MSH4: variants seen among roughly 807,000 people sequenced by gnomAD.
MSH4 encodes mutS protein homolog 4.
In MSH4, 106 loss-of-function variants were observed where a neutral mutation model predicts 113.7. That is an observed-to-expected ratio of 0.93 (90% CI 0.80 to 1.10). The LOEUF (loss-of-function observed/expected upper bound fraction) is 1.10, where lower values mean the gene tolerates loss of function less well. MSH4 is among the 50% of genes least tolerant of loss of function. The pLI, the probability that MSH4 is intolerant of heterozygous loss-of-function variation, is 0.00. For synonymous variants in MSH4, 368 were observed against 380.2 expected (o/e 0.97, Z 0.37); for missense variants, 1,061 against 1,093.7 (o/e 0.97, Z 0.42).
At position 75,804,734 on chromosome 1, in the gene MSH4, C is replaced by A. The variant is rs1008086666; in HGVS notation, c.427+821C>A. On this transcript the variant is annotated intron_variant, in intron 2 of 19. Coordinates refer to ENST00000263187, the MANE Select transcript of MSH4 (RefSeq NM_002440.4). ...CCATACTGGCCAGGCTGGTCTCGAA[C>A]TCCTGACCTCATGATCCACCCACCT... 2.4e-4 allele frequency among the ~76,000 whole-genome samples: 36 copies of A among 152,078 alleles called. 1 individual carries two copies. Among genetic ancestry groups the A allele is most frequent in the Admixed American group, 2.2e-3 (34 of 15,274 alleles).
At position 75,883,683 on chromosome 1, in the gene MSH4, A is replaced by C; in HGVS notation, c.1969A>C (p.Ile657Leu). 6.2e-7 allele frequency: 1 copy of C among 1,613,482 alleles called. No individual in the cohort carries two copies. Among genetic ancestry groups the C allele is most frequent in the Non-Finnish European group, 8.5e-7 (1 of 1,179,724 alleles). ...KQGWHPILEK[I>L]SAEKPIANNT... is the part of the protein sequence containing the mutation. ...GGGATGGCATCCTATTCTTGAAAAAATATCTGCGGAAAAACCTATTGCCAA... is the reference window on the plus strand; with the variant it reads ...GGGATGGCATCCTATTCTTGAAAAACTATCTGCGGAAAAACCTATTGCCAA... The change falls in exon 15 of 20, where the codon ATA becomes CTA. Residue 657 changes from isoleucine to leucine, a missense_variant. By Grantham distance (5) the Ile-to-Leu change is conservative (BLOSUM62 2). Coordinates refer to ENST00000263187, the MANE Select transcript of MSH4 (RefSeq NM_002440.4).
intron 15 of MSH4, among the ~76,000 whole-genome samples, chr1:75,888,271 A>G (rs1652169964): frequency 6.6e-6 from 1 of 151,388 alleles, no homozygotes; most frequent in Admixed American, 6.6e-5. Context: ...AGAATTCTGT[A>G]TATGTGGTAC....
intron 17 of MSH4, among the ~76,000 whole-genome samples, chr1:75,892,325 T>C (rs2100584075): frequency 6.6e-6 from 1 of 152,136 alleles, no homozygotes; most frequent in African/African-American, 2.4e-5. Flanking sequence ...CCTTCATAAA[T>C]CACATGAGCC....
chr1:75,814,586 C>T (rs1198459072), intron 4 of MSH4, among the ~76,000 whole-genome samples: 1 of 151,832 alleles, frequency 6.6e-6, no homozygotes, highest in Non-Finnish European at 1.5e-5. Flanking sequence ...AAGAATCTAC[C>T]CTTTCTCAAT....
At chr1:75,851,261 C>CT (rs1651181133) in intron 8 of MSH4, among the ~76,000 whole-genome samples, 1 of 148,684 alleles carries the variant, frequency 6.7e-6, no homozygotes, top group East Asian at 2.0e-4. Flanking sequence ...TCCCTTGTTT[C>CT]TTTTTTTCTG....
rs187650348 is a variant in MSH4 at position 75,910,014 on chromosome 1, G to C, written c.2620-2682G>C. Among the ~76,000 whole-genome samples, 281 of 152,018 alleles carry C rather than the reference G, an allele frequency of 1.8e-3. 1 individual carries two copies. Among genetic ancestry groups the C allele is most frequent in the African/African-American group, 6.5e-3 (271 of 41,506 alleles). On this transcript the variant is annotated intron_variant, in intron 19 of 19. Coordinates refer to ENST00000263187, the MANE Select transcript of MSH4 (RefSeq NM_002440.4). ...TTCTCAGTTCCCTTTATTCTCTTTT[G>C]CATCTTTAATATTTTCGTCACAGGC...
Position 75,839,681 on chromosome 1 carries a change from A to G in MSH4, c.1163-8528A>G, listed in dbSNP as rs1031328828. ...AAATTGACAAATGGGATCTAATTAA[A>G]CTAAAGAGCTTCTGCACAGCAAAAG... On this transcript the variant is annotated intron_variant, in intron 7 of 19. Coordinates refer to ENST00000263187, the MANE Select transcript of MSH4 (RefSeq NM_002440.4). Among the ~76,000 whole-genome samples the G allele has an allele frequency of 4.0e-4, 60 of 151,700 alleles. 1 individual carries two copies. The highest frequency in any genetic ancestry group is 1.4e-3 in the African/African-American group (58 of 41,386).
chr1:75,889,121 G>A (rs1406568624), intron 15 of MSH4, 130 bp from the exon 16 acceptor site: 1 of 508,206 alleles, frequency 2.0e-6, no homozygotes, highest in Non-Finnish European at 3.5e-6. Flanking sequence ...CTGGGGTCAT[G>A]TCTTCTAATG....
rs143338923 is a variant in MSH4 at position 75,848,412 on chromosome 1, G to C, written c.1230+136G>C. ...ATTATTGATATCTGGAGTATTTTAT[G>C]CCACTGTAGAGGAAACTTTTTTCCT... On this transcript the variant is annotated intron_variant, in intron 8 of 19. Transcript: ENST00000263187. The C allele has an allele frequency of 1.5e-5, 10 of 685,502 alleles. No homozygotes were observed. The African/African-American group carries it at 1.8e-4, about 12-fold the overall frequency. The allele number at this position is 685,502 out of a possible 1,614,324, so 42.5% of individuals were successfully genotyped here.
intron 15 of MSH4, among the ~76,000 whole-genome samples, chr1:75,887,464 G>A (rs554153941): frequency 2.1e-4 from 32 of 152,158 alleles, no homozygotes; most frequent in African/African-American, 7.5e-4. Context: ...CACCCCAGTA[G>A]CTAATATTGA....
intron 4 of MSH4, among the ~76,000 whole-genome samples, chr1:75,813,485 G>A (rs2100512411): frequency 6.6e-6 from 1 of 152,158 alleles, no homozygotes; most frequent in Non-Finnish European, 1.5e-5. Flanking sequence ...TGGAGCTTCA[G>A]TTTTTTTCAT....
Position 75,897,962 on chromosome 1 carries a change from A to C in MSH4, c.2411A>C (p.Tyr804Ser). Residue 804 changes from tyrosine (Y) to serine (S), a missense_variant, in exon 18 of 20, where the codon TAT (tyrosine) becomes TCT (serine). Physicochemically the swap from Tyr to Ser is moderately radical, Grantham distance 144 (BLOSUM62 -2). Coordinates refer to ENST00000263187, the MANE Select transcript of MSH4 (RefSeq NM_002440.4). The part of the protein sequence containing the change: ...FLELCHIDAL[Y>S]PNVENMHFEV... ...GAACTATGCCATATTGATGCCCTGT[A>C]TCCTAATGTAGAAAACATGCATTTT... is the stretch of plus-strand genomic sequence containing the variant. 1 of 1,604,604 alleles carries C rather than the reference A, an allele frequency of 6.2e-7. No individual in the cohort carries two copies. Among genetic ancestry groups the C allele is most frequent in the Non-Finnish European group, 8.5e-7 (1 of 1,175,232 alleles).
intron 6 of MSH4, among the ~76,000 whole-genome samples, chr1:75,819,729 T>C (rs1650366963): frequency 6.6e-6 from 1 of 152,206 alleles, no homozygotes; most frequent in South Asian, 2.1e-4. Flanking sequence ...TTGTTTGTTT[T>C]AGACAGAGTC....
At chr1:75,883,494 C>A in intron 14 of MSH4, 127 bp from the exon 15 acceptor site, 2 of 719,776 alleles carry the variant, frequency 2.8e-6, no homozygotes, top group South Asian at 2.0e-5. Flanking sequence ...TAATATAGTA[C>A]CTTAATGTTA....
intron 7 of MSH4, among the ~76,000 whole-genome samples, chr1:75,836,311 T>TTC (rs1650827809): frequency 2.0e-5 from 3 of 150,152 alleles, no homozygotes; most frequent in Non-Finnish European, 4.4e-5. Context: ...TCTTTTTTTT[T>TTC]TTTTTGAGAC....
At position 75,797,144 on chromosome 1, in the gene MSH4, T is replaced by C. The variant is rs1486528111; in HGVS notation, c.159T>C (p.Cys53=). 3.1e-6 allele frequency: 5 copies of C among 1,613,388 alleles called. No homozygotes were observed. Among genetic ancestry groups the C allele is most frequent in the African/African-American group, 2.7e-5 (2 of 74,932 alleles). Residue 53 remains cysteine (C), a synonymous_variant, in exon 1 of 20, where the codon TGT becomes TGC. Coordinates refer to ENST00000263187, the MANE Select transcript of MSH4 (RefSeq NM_002440.4). Reference sequence around the variant, plus strand: ...TCCAGGTGGTCTCTGCATCCACCTGTCCTGGCACGTCAGGAGCTGCGGGCG... The same window carrying C: ...TCCAGGTGGTCTCTGCATCCACCTGCCCTGGCACGTCAGGAGCTGCGGGCG... ...PSVQVVSAST[C]PGTSGAAGDR...
chr1:75,850,278 A>G (rs930675251), intron 8 of MSH4, among the ~76,000 whole-genome samples: 27 of 152,224 alleles, frequency 1.8e-4, no homozygotes, highest in African/African-American at 4.8e-4. Flanking sequence ...TCCTTCTAAT[A>G]TAAGCATTTT....
Position 75,797,100 on chromosome 1 carries a change from C to A in MSH4, c.115C>A (p.Pro39Thr). The A allele has an allele frequency of 6.2e-7, 1 of 1,614,038 alleles. No individual in the cohort carries two copies. Residue 39 changes from proline to threonine, a missense_variant, in exon 1 of 20, where the codon CCA (proline) becomes ACA (threonine). Pro to Thr is a conservative substitution (Grantham distance 38, BLOSUM62 -1). Transcript: ENST00000263187. ...CTACAATTTCGGACTCCAGGAGACT[C>A]CACAGAGCCGCCCTTCGGTCCAGGT... ...PRYNFGLQET[P>T]QSRPSVQVVS...
chr1:75,896,393 A>ACC (rs1352030421), intron 17 of MSH4, among the ~76,000 whole-genome samples: 2 of 110,872 alleles, frequency 1.8e-5, no homozygotes, highest in African/African-American at 6.8e-5. Flanking sequence ...ACACACACAC[A>ACC]CCCTATTGGT....
Sources: allele counts gnomAD v4.1 joint callset (sites outside exome capture counted in the v4.1 genomes callset), GRCh38; gene constraint gnomAD v4.1.1; transcripts MANE v1.5; gene names NCBI Gene and HGNC (gene_info 2026-07-23, HGNC 2026-07-21).